Variants in MED26 observed in about 807,000 individuals in gnomAD.
MED26 encodes mediator complex subunit 26, also known as mediator of RNA polymerase II transcription subunit 26.
In MED26, 7 loss-of-function variants were observed where a neutral mutation model predicts 43.7. The observed-to-expected ratio is 0.16, with a 90% CI of 0.09 to 0.30. The LOEUF (loss-of-function observed/expected upper bound fraction) is 0.30. MED26 is among the 10% of genes least tolerant of loss of function. MED26 has a pLI of 1.00. For missense variants in MED26, 784 were observed against 840.6 expected (o/e 0.93, Z 0.83); for synonymous variants, 375 against 371.1 (o/e 1.01, Z -0.12).
At position 16,577,510 on chromosome 19, in the gene MED26, C is replaced by T; in HGVS notation, c.320G>A (p.Gly107Asp). The change falls in exon 3 of 3, where the codon GGC (glycine) becomes GAC (aspartate). Residue 107 changes from glycine (G) to aspartate (D), a missense_variant. Around this residue, in one of 3 missense-constraint regions of MED26, gnomAD observed 719 missense variants for 730.9 expected, o/e 0.98. Transcript: ENST00000263390. This position sits in a 1 kb window ranked among gnomAD's most constrained non-coding sequence, Gnocchi z 8.1. ...LAGATGSANGGAHNCRPEVGA... is the reference protein window; with the variant it reads ...LAGATGSANGDAHNCRPEVGA... ...CACCTCCGGCCGGCAGTTGTGTGCG[C>T]CCCCGTTGGCAGAGCCGGTGGCCCC... 1 of 1,597,536 alleles carries T rather than the reference C, an allele frequency of 6.3e-7. No individual in the cohort carries two copies. The highest frequency in any genetic ancestry group is 8.5e-7 in the Non-Finnish European group (1 of 1,170,736).
intron 1 of MED26, among the ~76,000 whole-genome samples, chr19:16,612,498 T>G (rs929047838): frequency 1.3e-5 from 2 of 150,340 alleles, no homozygotes; most frequent in African/African-American, 2.5e-5. Flanking sequence ...GTTGCCAAGG[T>G]TGGTCTCAAA....
Position 16,575,929 on chromosome 19 carries a change from A to C in MED26, c.*98T>G. 3.0e-5 allele frequency: 30 copies of C among 1,003,692 alleles called. No individual in the cohort carries two copies. Among genetic ancestry groups the C allele is most frequent in the African/African-American group, 4.9e-5 (3 of 61,308 alleles). 62.2% of individuals were successfully genotyped at this position (1,003,692 alleles called of 1,614,324 possible). A position where few individuals can be genotyped will look rare whatever the true frequency, so the allele number is the denominator to read the frequency against. ...CCTGGGCCGGACTCCCCGAGTTCCC[A>C]GCGCAGGAGGCAGCTGGGCCCCGGC... On this transcript the variant is annotated 3_prime_UTR_variant, in exon 3 of 3. Coordinates refer to ENST00000263390, the MANE Select transcript of MED26 (RefSeq NM_004831.5).
Position 16,577,504 on chromosome 19 carries a change from T to C in MED26, c.326A>G (p.His109Arg). ...GATGSANGGA[H>R]NCRPEVGAAG... ...CGCCCCCACCTCCGGCCGGCAGTTGTGTGCGCCCCCGTTGGCAGAGCCGGT... is the reference window on the plus strand; with the variant it reads ...CGCCCCCACCTCCGGCCGGCAGTTGCGTGCGCCCCCGTTGGCAGAGCCGGT... The change falls in exon 3 of 3, where the codon CAC becomes CGC. Residue 109 changes from histidine (H) to arginine (R), a missense_variant. His to Arg is a conservative substitution (Grantham distance 29). Transcript: ENST00000263390. The surrounding 1 kb of genome is among the most constrained non-coding windows in gnomAD (Gnocchi z 8.1). The C allele has an allele frequency of 6.3e-7, 1 of 1,596,260 alleles. No individual in the cohort carries two copies. Among genetic ancestry groups the C allele is most frequent in the Non-Finnish European group, 8.5e-7 (1 of 1,169,898 alleles).
chr19:16,614,000 G>C (rs2086211535), intron 1 of MED26, among the ~76,000 whole-genome samples: 1 of 152,188 alleles, frequency 6.6e-6, no homozygotes, highest in Non-Finnish European at 1.5e-5. Context: ...CAGGAAGACA[G>C]TACCAGCATC....
At position 16,586,191 on chromosome 19, in the gene MED26, GGCACAACTC is replaced by G. The variant is rs2086069913; in HGVS notation, c.73-7791_73-7783del. On this transcript the variant is annotated intron_variant, in intron 1 of 2. Coordinates refer to ENST00000263390, the MANE Select transcript of MED26 (RefSeq NM_004831.5). This position sits in a 1 kb window ranked among gnomAD's most constrained non-coding sequence, Gnocchi z 5.1. ...TGCTGAGCCTGGGCAGGCCCAACCG[GGCACAACTC>G]GCACAGGACCATCACTGGTGGGTTG... 6.6e-6 allele frequency among the ~76,000 whole-genome samples: 1 copy of G among 152,218 alleles called. No individual in the cohort carries two copies. The highest frequency in any genetic ancestry group is 6.5e-5 in the Admixed American group (1 of 15,280).
intron 1 of MED26, among the ~76,000 whole-genome samples, chr19:16,615,481 G>A (rs188744914): frequency 9.9e-5 from 15 of 152,250 alleles, no homozygotes; most frequent in Admixed American, 2.6e-4. Flanking sequence ...GGGGACTCAC[G>A]CCTGTCATTC....
intron 1 of MED26, among the ~76,000 whole-genome samples, chr19:16,589,982 AAC>A (rs1229303629): frequency 6.6e-6 from 1 of 152,208 alleles, no homozygotes; most frequent in African/African-American, 2.4e-5. Context: ...CCACCTCTAC[AAC>A]ACACAGTGAT....
chr19:16,625,742 C>T (rs2086271861), intron 1 of MED26, among the ~76,000 whole-genome samples: 2 of 152,174 alleles, frequency 1.3e-5, no homozygotes, highest in Non-Finnish European at 2.9e-5. Flanking sequence ...ATCACCTCCG[C>T]CAGCAATCCT....
chr19:16,627,957 C>A lies in MED26; in HGVS notation c.-14G>T. On this transcript the variant is annotated 5_prime_UTR_variant, in exon 1 of 3. Coordinates refer to ENST00000263390, the MANE Select transcript of MED26 (RefSeq NM_004831.5). ...AGCCGCTGTCATTGCCTGGGCGAGG[C>A]GGGGGGTTGCGGCCGGGCCAGCGGG... is the stretch of plus-strand genomic sequence containing the variant. 1 of 1,438,224 alleles carries A rather than the reference C, an allele frequency of 7.0e-7. No individual in the cohort carries two copies. Among genetic ancestry groups the A allele is most frequent in the South Asian group, 1.4e-5 (1 of 73,072 alleles). 89.1% of individuals were successfully genotyped at this position (1,438,224 alleles called of 1,614,324 possible).
At chr19:16,594,635 C>A (rs181564213) in intron 1 of MED26, among the ~76,000 whole-genome samples, 9 of 152,098 alleles carry the variant, frequency 5.9e-5, no homozygotes, top group African/African-American at 2.2e-4. Flanking sequence ...TTTTTCACCA[C>A]GGTGAAGATG....
rs545019377 is a variant in MED26, at chr19:16,585,115, C to T, written c.73-6706G>A. 2.0e-5 allele frequency among the ~76,000 whole-genome samples: 3 copies of T among 152,278 alleles called. No homozygotes were observed. In the South Asian group the frequency reaches 6.2e-4, roughly 32 times the overall value. On this transcript the variant is annotated intron_variant, in intron 1 of 2. Transcript: ENST00000263390. Reference sequence around the variant, plus strand: ...ATCTGGTGAGACCCCAGGAGCCCCTCACCAAGCTCCCCTACTCTGGTACTG... The same window carrying T: ...ATCTGGTGAGACCCCAGGAGCCCCTTACCAAGCTCCCCTACTCTGGTACTG...
intron 1 of MED26, among the ~76,000 whole-genome samples, chr19:16,615,816 T>G (rs1359196099): frequency 6.6e-6 from 1 of 151,364 alleles, no homozygotes; most frequent in Non-Finnish European, 1.5e-5. Context: ...AAGGTCTTAG[T>G]CCTCTCCACT....
intron 1 of MED26, among the ~76,000 whole-genome samples, chr19:16,585,744 C>A (rs901755094): frequency 3.9e-5 from 6 of 152,234 alleles, no homozygotes; most frequent in African/African-American, 1.2e-4. Context: ...CCACCTACGA[C>A]AGGGTGCGTG....
At chr19:16,611,506 C>T (rs1013136439) in intron 1 of MED26, 1 of 152,170 alleles carries the variant, frequency 6.6e-6, no homozygotes, top group Admixed American at 6.5e-5. Flanking sequence ...GCTCTTCAGG[C>T]TAGAGCAGCC....
Position 16,627,899 on chromosome 19 carries a change from C to A in MED26, c.45G>T (p.Leu15=). ...TGCTCTGGGGGTCGATGGCCTGCAG[C>A]AGCCGGTCCCTGATCTGCTGCGGAG... ...PASPQQIRDR[L]LQAIDPQSNI... The change falls in exon 1 of 3, where the codon CTG becomes CTT. Residue 15 remains leucine (L), a synonymous_variant. Coordinates refer to ENST00000263390, the MANE Select transcript of MED26 (RefSeq NM_004831.5). The A allele has an allele frequency of 6.7e-7, 1 of 1,499,908 alleles. No homozygotes were observed. Among genetic ancestry groups the A allele is most frequent in the Non-Finnish European group, 8.9e-7 (1 of 1,122,380 alleles). The allele number at this position is 1,499,908 out of a possible 1,614,324, so 92.9% of individuals were successfully genotyped here. A position where few individuals can be genotyped will look rare whatever the true frequency, so the allele number is the denominator to read the frequency against.
At chr19:16,595,376 G>A (rs916965269) in intron 1 of MED26, among the ~76,000 whole-genome samples, 1 of 152,154 alleles carries the variant, frequency 6.6e-6, no homozygotes. Context: ...CTCTCACCCT[G>A]CCCCTGTGGT....
chr19:16,598,935 C>T (rs58826949), intron 1 of MED26, among the ~76,000 whole-genome samples: 195 of 152,256 alleles, frequency 1.3e-3, no homozygotes, highest in African/African-American at 4.6e-3. Context: ...AAACACAGTA[C>T]ACATACTGGG....
chr19:16,575,921 G>C lies in MED26; in HGVS notation c.*106C>G. On this transcript the variant is annotated 3_prime_UTR_variant, in exon 3 of 3. Transcript: ENST00000263390. Reference sequence around the variant, plus strand: ...CCCTCCCGCCTGGGCCGGACTCCCCGAGTTCCCAGCGCAGGAGGCAGCTGG... The same window carrying C: ...CCCTCCCGCCTGGGCCGGACTCCCCCAGTTCCCAGCGCAGGAGGCAGCTGG... 3.4e-6 allele frequency: 3 copies of C among 882,262 alleles called. No homozygotes were observed. Among genetic ancestry groups the C allele is most frequent in the African/African-American group, 1.7e-5 (1 of 58,924 alleles). The allele number at this position is 882,262 out of a possible 1,614,324, so 54.7% of individuals were successfully genotyped here. A position where few individuals can be genotyped will look rare whatever the true frequency, so the allele number is the denominator to read the frequency against.
At chr19:16,595,816 T>C (rs2086117653) in intron 1 of MED26, among the ~76,000 whole-genome samples, 1 of 152,250 alleles carries the variant, frequency 6.6e-6, no homozygotes, top group Admixed American at 6.5e-5. Context: ...TAATGTATCA[T>C]AATTCCCTTA....
Sources: gnomAD v4.1 joint callset for allele counts (sites outside exome capture counted in the v4.1 genomes callset) on GRCh38, gnomAD v4.1.1 for gene constraint, gnomAD v4.1.1 regional missense constraint, Gnocchi (gnomAD v3.1) non-coding constraint, MANE v1.5 for transcripts, NCBI Gene and HGNC (gene_info 2026-07-23, HGNC 2026-07-21) for gene names.